The following FMNL2 variants were observed in gnomAD, a reference collection of about 807,000 sequenced individuals.
The protein encoded by FMNL2 is formin like 2.
Under a neutral mutation model 130.2 loss-of-function variants are expected in FMNL2, and 51 were observed. The observed-to-expected ratio is 0.39, with a 90% confidence interval of 0.31 to 0.49. FMNL2 has a LOEUF of 0.49. FMNL2 is among the 20% of genes least tolerant of loss of function. FMNL2 has a pLI of 0.85. For synonymous variants in FMNL2, 465 were observed against 467.1 expected, an observed-to-expected ratio of 1.00 and a Z score of 0.06; for missense variants, 977 against 1,316.2, an observed-to-expected ratio of 0.74 and a Z score of 3.99.
chr2:152,491,826 C>T (rs1180589790), intron 1 of FMNL2, among the ~76,000 whole-genome samples: 1 of 152,072 alleles, frequency 6.6e-6, no homozygotes, highest in Non-Finnish European at 1.5e-5. Context: ...TGGCGTGCAC[C>T]TGGAATCCCA....
intron 1 of FMNL2, among the ~76,000 whole-genome samples, chr2:152,400,473 CT>C (rs1685629830): frequency 1.3e-5 from 2 of 151,958 alleles, no homozygotes; most frequent in South Asian, 4.2e-4. Context: ...AAAGAATGCT[CT>C]TTTAGAGATT....
At chr2:152,598,687 CT>C (rs1298996869) in intron 9 of FMNL2, among the ~76,000 whole-genome samples, 1 of 152,164 alleles carries the variant, frequency 6.6e-6, no homozygotes, top group Admixed American at 6.5e-5. Flanking sequence ...GAGACTCTGT[CT>C]CAATCAGTCA....
chr2:152,595,738 T>G (rs1049395300), intron 9 of FMNL2, among the ~76,000 whole-genome samples: 11 of 152,160 alleles, frequency 7.2e-5, no homozygotes, highest in African/African-American at 2.7e-4. Flanking sequence ...TTTTTTCCCA[T>G]GCGGAGGAGA....
intron 7 of FMNL2, among the ~76,000 whole-genome samples, chr2:152,578,077 C>T (rs1696574889): frequency 6.6e-6 from 1 of 152,104 alleles, no homozygotes. Context: ...AGGAAGGACT[C>T]ATGGGAGGGG....
chr2:152,621,011 A>G, intron 15 of FMNL2: 1 of 985,408 alleles, frequency 1.0e-6, no homozygotes, highest in Non-Finnish European at 1.2e-6. Context: ...TCATCGTGGA[A>G]CTGATGGACT....
rs745947071 is a variant in FMNL2, at chr2:152,614,973, G to A, written c.1185G>A (p.Val395=). The change falls in exon 12 of 26, where the codon GTG becomes GTA. Residue 395 remains valine (V), a synonymous_variant. Transcript: ENST00000288670. ...CTAAGAATGCTGCCTTGGAGAGGGT[G>A]GAAGAACTGGAAGAAAACATTTCTC... ...AETKNAALER[V]EELEENISHL... The A allele has an allele frequency of 3.2e-5, 51 of 1,611,052 alleles. No homozygotes were observed. Among genetic ancestry groups the A allele is most frequent in the Non-Finnish European group, 4.1e-5 (48 of 1,179,276 alleles).
intron 25 of FMNL2, among the ~76,000 whole-genome samples, chr2:152,642,220 G>A (rs1965785): frequency 0.69 from 105,517 of 152,074 alleles, 36,976 homozygotes; most frequent in East Asian, 0.84. Flanking sequence ...GATTACAGGC[G>A]TGAGCCACCA....
chr2:152,493,100 T>C (rs1414539916), intron 1 of FMNL2, among the ~76,000 whole-genome samples: 1 of 152,182 alleles, frequency 6.6e-6, no homozygotes, highest in Non-Finnish European at 1.5e-5. Context: ...CAATGAATGA[T>C]TCAAATTGGC....
intron 1 of FMNL2, among the ~76,000 whole-genome samples, chr2:152,349,203 AGGT>A (rs1682327664): frequency 6.6e-6 from 1 of 152,116 alleles, no homozygotes; most frequent in South Asian, 2.1e-4. Context: ...TTATATAAGA[AGGT>A]GGTGAAGTTT....
chr2:152,453,560 C>T (rs547156738), intron 1 of FMNL2, among the ~76,000 whole-genome samples: 2 of 152,218 alleles, frequency 1.3e-5, no homozygotes, highest in South Asian at 4.2e-4. Flanking sequence ...TGCTTATTTG[C>T]CTCTTTGTTA....
At chr2:152,631,512 G>A (rs531978754) in intron 20 of FMNL2, among the ~76,000 whole-genome samples, 5 of 152,198 alleles carry the variant, frequency 3.3e-5, no homozygotes, top group Non-Finnish European at 2.9e-5. Flanking sequence ...ATTAATGGCA[G>A]GTAATGATTA....
intron 1 of FMNL2, among the ~76,000 whole-genome samples, chr2:152,340,274 C>T (rs1470299947): frequency 6.6e-6 from 1 of 152,162 alleles, no homozygotes; most frequent in Non-Finnish European, 1.5e-5. Context: ...GATCTGTTCC[C>T]TACTCCCCCT....
intron 1 of FMNL2, among the ~76,000 whole-genome samples, chr2:152,405,760 C>T (rs1436790127): frequency 6.6e-6 from 1 of 152,190 alleles, no homozygotes; most frequent in Non-Finnish European, 1.5e-5. Flanking sequence ...GTACCTGGGT[C>T]TCCTGATTCC....
At chr2:152,607,019 T>TTTTTTTTTTTTG (rs1698407396) in intron 9 of FMNL2, among the ~76,000 whole-genome samples, 2 of 146,058 alleles carry the variant, frequency 1.4e-5, no homozygotes, top group Admixed American at 1.4e-4. Context: ...TTTTTTTTTT[T>TTTTTTTTTTTTG]TTTTTACCAT....
In FMNL2 at chr2:152,647,975, C is replaced by G. The variant is rs1486012655; in HGVS notation, c.*70C>G. 3.1e-5 allele frequency: 38 copies of G among 1,244,862 alleles called. No homozygotes were observed. Among genetic ancestry groups the G allele is most frequent in the Non-Finnish European group, 3.5e-5 (31 of 884,400 alleles). 77.1% of individuals were successfully genotyped at this position (1,244,862 alleles called of 1,614,324 possible). On this transcript the variant is annotated 3_prime_UTR_variant, in exon 26 of 26. Transcript: ENST00000288670. Reference sequence around the variant, plus strand: ...CTGCCCACATGAACTTTATGTGCTACGATTTAACTGCAGCCTTGAACACAC... The same window carrying G: ...CTGCCCACATGAACTTTATGTGCTAGGATTTAACTGCAGCCTTGAACACAC...
intron 21 of FMNL2, 53 bp from the exon 22 acceptor site, chr2:152,636,374 G>A (rs1371030676): frequency 6.4e-7 from 1 of 1,556,658 alleles, no homozygotes; most frequent in Non-Finnish European, 8.7e-7. Context: ...CAGATTCGCT[G>A]TGGTTGTGAC....
intron 25 of FMNL2, among the ~76,000 whole-genome samples, chr2:152,642,079 T>G (rs988443437): frequency 6.6e-6 from 1 of 152,114 alleles, no homozygotes; most frequent in Non-Finnish European, 1.5e-5. Context: ...TAGCTGGGAC[T>G]ACAGGCGCCC....
intron 1 of FMNL2, among the ~76,000 whole-genome samples, chr2:152,386,508 C>T (rs1684790198): frequency 6.1e-5 from 1 of 16,278 alleles, no homozygotes; most frequent in Non-Finnish European, 2.4e-4. Flanking sequence ...TTTGACCATT[C>T]ATTAACTCAT....
At chr2:152,392,188 G>A (rs763521053) in intron 1 of FMNL2, among the ~76,000 whole-genome samples, 176 of 152,066 alleles carry the variant, frequency 1.2e-3, no homozygotes, top group Non-Finnish European at 7.1e-4. Context: ...AAAATGTTTG[G>A]CTTTTCAAAC....
Sources: allele counts gnomAD v4.1 joint callset (sites outside exome capture counted in the v4.1 genomes callset), GRCh38; gene constraint gnomAD v4.1.1; transcripts MANE v1.5; gene names NCBI Gene and HGNC (gene_info 2026-07-23, HGNC 2026-07-21).